Variants in EML6 observed in about 807,000 individuals in gnomAD.
EML6 encodes echinoderm microtubule-associated protein-like 6.
A neutral mutation model predicts 240.1 loss-of-function variants in EML6; 154 were observed. The ratio of observed to expected loss-of-function variants is 0.64; its 90% confidence interval spans 0.56 to 0.73. EML6 has a LOEUF of 0.73. Ranked by LOEUF, EML6 falls within the 30% of genes least tolerant of loss-of-function variation. The pLI, the probability that EML6 is intolerant of heterozygous loss-of-function variation, is 0.00. For missense variants in EML6, 2,964 were observed against 2,474.6 expected, an observed-to-expected ratio of 1.20 and a Z score of -4.20; for synonymous variants, 1,148 against 899.0, an observed-to-expected ratio of 1.28 and a Z score of -4.95.
chr2:54,888,800 C>A (rs1207155204), intron 17 of EML6, among the ~76,000 whole-genome samples: 1 of 152,168 alleles, frequency 6.6e-6, no homozygotes, highest in Non-Finnish European at 1.5e-5. Flanking sequence ...CACATTTTGA[C>A]AATTATGAAG....
rs534356420 is a variant in EML6 at position 54,918,528 on chromosome 2, G to A, written c.3675+1593G>A. ...TGCCCAGCTAATTTTTTTACTTTTT[G>A]TAGAGATGGGGTCTCACTATATTAC... On this transcript the variant is annotated intron_variant, in intron 26 of 41. Coordinates refer to ENST00000356458, the MANE Select transcript of EML6 (RefSeq NM_001039753.4). 1.4e-4 allele frequency among the ~76,000 whole-genome samples: 21 copies of A among 152,074 alleles called. No homozygotes were observed. The East Asian group carries it at 4.1e-3, about 29-fold the overall frequency.
At chr2:54,836,451 A>T (rs1002304949) in intron 7 of EML6, among the ~76,000 whole-genome samples, 12 of 152,154 alleles carry the variant, frequency 7.9e-5, no homozygotes, top group Non-Finnish European at 1.3e-4. Flanking sequence ...TTTCCTATGA[A>T]TTCTGCTGGA....
intron 17 of EML6, among the ~76,000 whole-genome samples, chr2:54,884,882 G>C (rs1197591058): frequency 6.6e-6 from 1 of 152,140 alleles, no homozygotes; most frequent in Non-Finnish European, 1.5e-5. Context: ...CTCCAATCAA[G>C]AAATCATTGG....
At chr2:54,731,621 A>AT (rs145531196) in intron 2 of EML6, among the ~76,000 whole-genome samples, 5,145 of 151,558 alleles carry the variant, frequency 0.034, 118 homozygotes, top group Admixed American at 0.076. Context: ...TGTCAAAAAA[A>AT]ATATATATAT....
At chr2:54,773,567 A>G (rs1668484500) in intron 2 of EML6, among the ~76,000 whole-genome samples, 1 of 152,258 alleles carries the variant, frequency 6.6e-6, no homozygotes, top group Admixed American at 6.5e-5. Flanking sequence ...AAGGAGATGT[A>G]TGAAGTATTG....
chr2:54,906,734 A>C (rs1287500250), intron 24 of EML6, among the ~76,000 whole-genome samples: 1 of 152,042 alleles, frequency 6.6e-6, no homozygotes, highest in Admixed American at 6.6e-5. Flanking sequence ...CCTTGATCTA[A>C]CTCCACTAGC....
At chr2:54,901,644 C>A (rs916354469) in intron 22 of EML6, among the ~76,000 whole-genome samples, 1 of 152,202 alleles carries the variant, frequency 6.6e-6, no homozygotes, top group Non-Finnish European at 1.5e-5. Flanking sequence ...TTAACCTAAT[C>A]TTGATGATGC....
At chr2:54,812,322 GAA>G (rs11362235) in intron 2 of EML6, among the ~76,000 whole-genome samples, 56 of 145,198 alleles carry the variant, frequency 3.9e-4, no homozygotes, top group African/African-American at 7.8e-4. Context: ...GCCAAACACT[GAA>G]AAAAAAAAAA....
intron 2 of EML6, among the ~76,000 whole-genome samples, chr2:54,789,513 CAAAAAAAAAAAAAAAAAAAAAAA>C (rs576842183): frequency 1.3e-5 from 1 of 77,898 alleles, no homozygotes; most frequent in Admixed American, 1.8e-4. Context: ...GACTTCGTCT[CAAAAAAAAAAAAAAAAAAAAAAA>C]AAAAAAAAAA....
At chr2:54,846,963 A>T (rs1334028027) in intron 8 of EML6, among the ~76,000 whole-genome samples, 2 of 131,446 alleles carry the variant, frequency 1.5e-5, no homozygotes, top group Non-Finnish European at 3.2e-5. Flanking sequence ...ACTGACACCC[A>T]GGCTGGAGTG....
chr2:54,955,351 G>A (rs1207110876), intron 32 of EML6, among the ~76,000 whole-genome samples: 1 of 152,130 alleles, frequency 6.6e-6, no homozygotes, highest in Non-Finnish European at 1.5e-5. Context: ...CCCATCCTAA[G>A]GAGAAATTCC....
Position 54,959,170 on chromosome 2 carries a change from C to A in EML6, c.4762C>A (p.Arg1588=). The change falls in exon 34 of 42, where the codon CGG becomes AGG. Residue 1588 remains arginine (R), a synonymous_variant. Transcript: ENST00000356458. ...VYVWKDHFLI[R]LVAKAHTGPV... ...CGTCTGGAAGGACCACTTCCTCATC[C>A]GGCTGGTGGCCAAGGCTCACACAGG... is the stretch of plus-strand genomic sequence containing the variant. The A allele has an allele frequency of 6.4e-7, 1 of 1,551,596 alleles. No homozygotes were observed. Among genetic ancestry groups the A allele is most frequent in the South Asian group, 1.2e-5 (1 of 84,028 alleles).
chr2:54,745,267 C>G (rs1403827336), intron 2 of EML6, among the ~76,000 whole-genome samples: 1 of 152,044 alleles, frequency 6.6e-6, no homozygotes, highest in Non-Finnish European at 1.5e-5. Context: ...GGGTAACTTC[C>G]CAAGGAGGGA....
chr2:54,963,946 G>T, intron 36 of EML6, 40 bp from the exon 37 acceptor site: 5 of 1,519,882 alleles, frequency 3.3e-6, no homozygotes, highest in Non-Finnish European at 4.4e-6. Context: ...CCAGCTGAGG[G>T]GGCCAAGAGC....
intron 5 of EML6, among the ~76,000 whole-genome samples, chr2:54,824,841 G>A (rs2104141883): frequency 6.6e-6 from 1 of 152,276 alleles, no homozygotes. Flanking sequence ...TCTGTGGGTA[G>A]AGACTGCAGA....
At chr2:54,864,196 C>T (rs1670841042) in intron 13 of EML6, among the ~76,000 whole-genome samples, 1 of 152,114 alleles carries the variant, frequency 6.6e-6, no homozygotes, top group African/African-American at 2.4e-5. Context: ...TGCAAGTAAG[C>T]CATAGGTCTT....
At position 54,879,591 on chromosome 2, in the gene EML6, A is replaced by G. The variant is rs561792289; in HGVS notation, c.2389A>G (p.Ser797Gly). 2.6e-5 allele frequency: 40 copies of G among 1,552,142 alleles called. No individual in the cohort carries two copies. The East Asian group carries it at 9.5e-4, about 37-fold the overall frequency. Residue 797 changes from serine to glycine, a missense_variant, in exon 17 of 42, where the codon AGT becomes GGT. Coordinates refer to ENST00000356458, the MANE Select transcript of EML6 (RefSeq NM_001039753.4). ...LVSVGLDDFH[S>G]IVFWDWKKGE... The stretch of plus-strand genomic sequence containing the variant: ...GTCGGTTGGTTTAGACGATTTTCAC[A>G]GTATTGTATTTTGGGACTGGAAAAA...
At chr2:54,769,293 C>G (rs542782676) in intron 2 of EML6, among the ~76,000 whole-genome samples, 17 of 152,254 alleles carry the variant, frequency 1.1e-4, no homozygotes, top group Non-Finnish European at 1.9e-4. Flanking sequence ...TCTGGTTTCA[C>G]TTCAATTTAT....
At chr2:54,848,775 A>G (rs1420916702) in intron 9 of EML6, among the ~76,000 whole-genome samples, 8 of 152,206 alleles carry the variant, frequency 5.3e-5, no homozygotes, top group Non-Finnish European at 1.2e-4. Flanking sequence ...TGAGCTTTCC[A>G]GTGTGAGCAG....
Sources: gnomAD v4.1 joint callset for allele counts (sites outside exome capture counted in the v4.1 genomes callset) on GRCh38, gnomAD v4.1.1 for gene constraint, MANE v1.5 for transcripts, NCBI Gene and HGNC (gene_info 2026-07-23, HGNC 2026-07-21) for gene names.